GALNT9: variants seen among roughly 807,000 people sequenced by gnomAD.
The protein encoded by GALNT9 is polypeptide N-acetylgalactosaminyltransferase 9.
Under a neutral mutation model 63.1 loss-of-function variants are expected in GALNT9, and 47 were observed. The ratio of observed to expected loss-of-function variants is 0.75; its 90% CI spans 0.59 to 0.95. GALNT9 has a LOEUF of 0.95. Among genes scored for constraint, GALNT9 ranks in the 40% least tolerant of loss-of-function variants. The probability of loss-of-function intolerance (pLI) is 0.00; values close to 1 mark genes in which losing one functional copy is unlikely to be tolerated. For synonymous variants in GALNT9, 396 were observed against 365.7 expected (o/e 1.08, Z -0.94); for missense variants, 829 against 874.8 (o/e 0.95, Z 0.66).
chr12:132,221,744 C>T (rs1037205695), intron 6 of GALNT9, among the ~76,000 whole-genome samples: 9 of 150,826 alleles, frequency 6.0e-5, no homozygotes, highest in South Asian at 4.2e-4. Context: ...AATCCGCAAA[C>T]GTCAGGGCTC....
intron 1 of GALNT9, among the ~76,000 whole-genome samples, chr12:132,302,613 C>T (rs1306406603): frequency 6.6e-6 from 1 of 152,212 alleles, no homozygotes; most frequent in Non-Finnish European, 1.5e-5. Flanking sequence ...CACCTGCCTG[C>T]CCCCCAGAGC....
At chr12:132,295,407 G>A (rs1881019002) in intron 1 of GALNT9, among the ~76,000 whole-genome samples, 1 of 151,102 alleles carries the variant, frequency 6.6e-6, no homozygotes, top group African/African-American at 2.5e-5. Context: ...AACAGGCAGA[G>A]TCCCAGCCCT....
At chr12:132,288,271 T>G (rs973390402) in intron 1 of GALNT9, among the ~76,000 whole-genome samples, 1 of 152,208 alleles carries the variant, frequency 6.6e-6, no homozygotes, top group Admixed American at 6.5e-5. Context: ...TCCCGGAACC[T>G]CTGGACTTTC....
chr12:132,292,600 G>A (rs781820863), intron 1 of GALNT9, among the ~76,000 whole-genome samples: 6 of 152,182 alleles, frequency 3.9e-5, no homozygotes, highest in East Asian at 1.9e-4. Context: ...ACAACACTGC[G>A]CAGAATGTGG....
At chr12:132,301,369 CCT>C (rs1166597791) in intron 1 of GALNT9, among the ~76,000 whole-genome samples, 2 of 152,250 alleles carry the variant, frequency 1.3e-5, no homozygotes, top group South Asian at 4.1e-4. Flanking sequence ...CACTCCGCGC[CCT>C]GTTTCACAGA....
At chr12:132,240,011 C>G (rs1348868694) in intron 6 of GALNT9, among the ~76,000 whole-genome samples, 1 of 152,074 alleles carries the variant, frequency 6.6e-6, no homozygotes, top group Non-Finnish European at 1.5e-5. Flanking sequence ...TGAAGAGTGG[C>G]TCCCCAACCC....
intron 1 of GALNT9, among the ~76,000 whole-genome samples, chr12:132,313,898 A>T: frequency 9.3e-6 from 1 of 107,786 alleles, no homozygotes; most frequent in Non-Finnish European, 1.8e-5. Flanking sequence ...ATACATACAT[A>T]CGTACATACA....
chr12:132,302,176 A>G (rs1881320741), intron 1 of GALNT9, among the ~76,000 whole-genome samples: 1 of 151,836 alleles, frequency 6.6e-6, no homozygotes, highest in African/African-American at 2.4e-5. Context: ...CTTTAATTAG[A>G]AAGTGCATCA....
chr12:132,293,706 C>T (rs782504919), intron 1 of GALNT9, among the ~76,000 whole-genome samples: 2 of 152,170 alleles, frequency 1.3e-5, no homozygotes, highest in Non-Finnish European at 2.9e-5. Context: ...AGAGCCAGAA[C>T]GAGAAGCTGG....
At chr12:132,313,671 C>A (rs1236244445) in intron 1 of GALNT9, among the ~76,000 whole-genome samples, 1 of 147,968 alleles carries the variant, frequency 6.8e-6, no homozygotes, top group Non-Finnish European at 1.5e-5. Context: ...TCCACCCATC[C>A]ACCCACCCAC....
chr12:132,210,165 G>A (rs114994905), intron 6 of GALNT9, among the ~76,000 whole-genome samples: 3,054 of 152,256 alleles, frequency 0.02, 110 homozygotes, highest in African/African-American at 0.069. Flanking sequence ...CCTGGGGCCC[G>A]TCGTCTGCAG....
chr12:132,247,715 C>T (rs782601046), intron 6 of GALNT9, 195 bp downstream of exon 6: 24 of 887,036 alleles, frequency 2.7e-5, no homozygotes, highest in Admixed American at 1.3e-4. Flanking sequence ...CCCCAGACAC[C>T]GCGGCCTCAC....
Position 132,201,239 on chromosome 12 carries a change from T to C in GALNT9, c.1286A>G (p.Asp429Gly). Residue 429 changes from aspartate (D) to glycine (G), a missense_variant, in exon 8 of 11, where the codon GAC becomes GGC. Physicochemically the swap from Asp to Gly is moderately conservative, Grantham distance 94. Coordinates refer to ENST00000328957, the MANE Select transcript of GALNT9 (RefSeq NM_001122636.2). The stretch of plus-strand genomic sequence containing the variant: ...ACGCAGGGCCAGCCTCTCAGACACG[T>C]CCCCGAAGTCCACCCCTGGGTTCTG... ...PMSNPGVDFGDVSERLALRQR... is the reference protein window; with the variant it reads ...PMSNPGVDFGGVSERLALRQR... 1 of 1,613,228 alleles carries C rather than the reference T, an allele frequency of 6.2e-7. No homozygotes were observed. The highest frequency in any genetic ancestry group is 8.5e-7 in the Non-Finnish European group (1 of 1,179,384).
intron 1 of GALNT9, among the ~76,000 whole-genome samples, chr12:132,287,812 G>A (rs1446882142): frequency 2.0e-5 from 3 of 152,136 alleles, no homozygotes; most frequent in Admixed American, 1.3e-4. Flanking sequence ...GACGCGGCTT[G>A]GAGATGCTGT....
intron 2 of GALNT9, among the ~76,000 whole-genome samples, chr12:132,267,719 G>T (rs1456236986): frequency 7.0e-6 from 1 of 143,780 alleles, no homozygotes. Flanking sequence ...AAATAATACT[G>T]CTTCGGAAAA....
Position 132,319,270 on chromosome 12 carries a change from T to C in GALNT9, c.238+9696A>G, listed in dbSNP as rs1868669316. ...AGGAAGAAAGGTCTGTCCTCCCCAG[T>C]GCAGACAGGGATCAGCCCCTTCTCG... On this transcript the variant is annotated intron_variant, in intron 1 of 10. Transcript: ENST00000328957. This position sits in a 1 kb window ranked among gnomAD's most constrained non-coding sequence, Gnocchi z 5.2. Among the ~76,000 whole-genome samples, 1 of 151,850 alleles carries C rather than the reference T, an allele frequency of 6.6e-6. No individual in the cohort carries two copies. The highest frequency in any genetic ancestry group is 1.5e-5 in the Non-Finnish European group (1 of 67,952).
intron 6 of GALNT9, among the ~76,000 whole-genome samples, chr12:132,208,252 G>GC (rs1364480259): frequency 3.4e-5 from 4 of 118,370 alleles, no homozygotes; most frequent in Admixed American, 8.1e-5. Flanking sequence ...GAGGCACTTG[G>GC]CCCCCCTCTC....
chr12:132,261,106 A>C lies in GALNT9; in HGVS notation c.603T>G (p.Asn201Lys), dbSNP rs1555239751. Residue 201 changes from asparagine (N) to lysine (K), a missense_variant, in exon 4 of 11, where the codon AAT (asparagine) becomes AAG (lysine). Asn to Lys is a moderately conservative substitution (Grantham distance 94). Coordinates refer to ENST00000328957, the MANE Select transcript of GALNT9 (RefSeq NM_001122636.2). ...DNSDNVELKF[N>K]LDQYVNKRYP... Reference sequence around the variant, plus strand: ...ACCGCTTGTTGACGTACTGGTCCAGATTGAACTTGAGTTCCACTGAGGAGA... The same window carrying C: ...ACCGCTTGTTGACGTACTGGTCCAGCTTGAACTTGAGTTCCACTGAGGAGA... 4.3e-5 allele frequency: 66 copies of C among 1,551,350 alleles called. No individual in the cohort carries two copies. Among genetic ancestry groups the C allele is most frequent in the Non-Finnish European group, 5.5e-5 (63 of 1,146,910 alleles).
At chr12:132,260,461 C>T (rs995796096) in intron 4 of GALNT9, among the ~76,000 whole-genome samples, 36 of 152,218 alleles carry the variant, frequency 2.4e-4, no homozygotes, top group Middle Eastern at 3.4e-3. Flanking sequence ...TCACTTCCCA[C>T]GCCCCTTGCA....
Sources: gnomAD v4.1 joint callset for allele counts (sites outside exome capture counted in the v4.1 genomes callset) on GRCh38, gnomAD v4.1.1 for gene constraint, Gnocchi (gnomAD v3.1) non-coding constraint, MANE v1.5 for transcripts, NCBI Gene and HGNC (gene_info 2026-07-23, HGNC 2026-07-21) for gene names.